The following PTPRD variants were observed in gnomAD, a reference collection of about 807,000 sequenced individuals.
PTPRD encodes the protein protein tyrosine phosphatase receptor type D, also known as receptor-type tyrosine-protein phosphatase delta.
A neutral mutation model predicts 214.5 loss-of-function variants in PTPRD; 34 were observed. The observed-to-expected ratio is 0.16, with a 90% CI of 0.12 to 0.21. The LOEUF is 0.21. Among genes scored for constraint, PTPRD ranks in the 10% least tolerant of loss-of-function variants. The pLI is 1.00. For synonymous variants in PTPRD, 1,128 were observed against 845.7 expected (o/e 1.33, Z -5.79); for missense variants, 2,545 against 2,398.7 (o/e 1.06, Z -1.27).
At chr9:8,661,896 T>C (rs2097062808) in intron 12 of PTPRD, among the ~76,000 whole-genome samples, 1 of 152,218 alleles carries the variant, frequency 6.6e-6, no homozygotes, top group African/African-American at 2.4e-5. Context: ...AATTAAGTAT[T>C]TGGTCTACAA....
At chr9:8,678,301 G>A (rs906354595) in intron 12 of PTPRD, among the ~76,000 whole-genome samples, 1 of 152,090 alleles carries the variant, frequency 6.6e-6, no homozygotes, top group Non-Finnish European at 1.5e-5. Flanking sequence ...TCAAGTTAAT[G>A]TCAACTATTT....
At chr9:8,852,558 G>T (rs1173560162) in intron 11 of PTPRD, among the ~76,000 whole-genome samples, 1 of 152,234 alleles carries the variant, frequency 6.6e-6, no homozygotes, top group Non-Finnish European at 1.5e-5. Context: ...AGCAAGGTTT[G>T]CTCGTCGCAG....
At chr9:10,163,251 CTA>C (rs2099139968) in intron 3 of PTPRD, among the ~76,000 whole-genome samples, 1 of 150,210 alleles carries the variant, frequency 6.7e-6, no homozygotes, top group Admixed American at 6.6e-5. Flanking sequence ...TTACTTTTTG[CTA>C]TCTTTTTCCT....
intron 8 of PTPRD, among the ~76,000 whole-genome samples, chr9:9,426,212 T>C (rs1470442024): frequency 6.6e-6 from 1 of 152,174 alleles, no homozygotes; most frequent in Non-Finnish European, 1.5e-5. Context: ...CCCACCCTAA[T>C]ACTGCACTTT....
chr9:10,346,842 T>C (rs1342652740), intron 2 of PTPRD, among the ~76,000 whole-genome samples: 1 of 152,208 alleles, frequency 6.6e-6, no homozygotes, highest in Non-Finnish European at 1.5e-5. Flanking sequence ...TGATTTGTCA[T>C]AGGCCTTACA....
At chr9:8,676,508 G>A (rs930818363) in intron 12 of PTPRD, among the ~76,000 whole-genome samples, 6 of 150,998 alleles carry the variant, frequency 4.0e-5, no homozygotes, top group Non-Finnish European at 5.9e-5. Flanking sequence ...CCAGCCTCCT[G>A]AGTAGCTGGG....
At chr9:9,643,352 G>C (rs901614616) in intron 7 of PTPRD, among the ~76,000 whole-genome samples, 1 of 152,040 alleles carries the variant, frequency 6.6e-6, no homozygotes, top group Non-Finnish European at 1.5e-5. Context: ...GCTTTTTAAA[G>C]TTACATTAAA....
rs574712037 is a variant in PTPRD, at chr9:8,930,526, G to A, written c.-104+88171C>T. ...GGTATTTCTAGTTCTAGATCCCGGA[G>A]GAATCGCCACACTGTCTTCCACAAT... On this transcript the variant is annotated intron_variant, in intron 11 of 45. Transcript: ENST00000381196. Among the ~76,000 whole-genome samples the A allele has an allele frequency of 5.8e-4, 89 of 152,182 alleles. 3 individuals carry two copies. In the East Asian group the frequency reaches 0.016, roughly 28 times the overall value.
In PTPRD at chr9:10,180,972, C is replaced by T. The variant is rs965551664; in HGVS notation, c.-544-147182G>A. On this transcript the variant is annotated intron_variant, in intron 3 of 45. Transcript: ENST00000381196. ...GTAAATATCATATTCAATGAATAAA[C>T]TTTAGAATTTATTAAGATTAAGAAT... Among the ~76,000 whole-genome samples, 6 of 151,860 alleles carry T rather than the reference C, an allele frequency of 4.0e-5. 1 individual carries two copies. The highest frequency in any genetic ancestry group is 9.7e-5 in the African/African-American group (4 of 41,394).
chr9:9,337,015 T>C (rs1171207599), intron 9 of PTPRD, among the ~76,000 whole-genome samples: 1 of 152,142 alleles, frequency 6.6e-6, no homozygotes, highest in African/African-American at 2.4e-5. Flanking sequence ...AATTTAAAAA[T>C]TTTTAAAAGC....
Position 8,393,842 on chromosome 9 carries a change from C to T in PTPRD, c.4211-4435G>A, listed in dbSNP as rs2090333510. ...TCCATTCCTGGGTTAAAGTGTATTT[C>T]CTCAGTTAATGAACTGTTCTTTCTT... is the stretch of plus-strand genomic sequence containing the variant. On this transcript the variant is annotated intron_variant, in intron 36 of 45. Transcript: ENST00000381196. Among the ~76,000 whole-genome samples the T allele has an allele frequency of 2.0e-5, 3 of 152,118 alleles. 1 individual carries two copies. In the South Asian group the frequency reaches 6.2e-4, roughly 32 times the overall value.
chr9:9,755,349 A>G (rs1464569812), intron 6 of PTPRD, among the ~76,000 whole-genome samples: 6 of 152,154 alleles, frequency 3.9e-5, no homozygotes, highest in East Asian at 1.9e-4. Flanking sequence ...AATTGGGAAA[A>G]AATTGTACTA....
chr9:9,926,666 A>G (rs2084422803), intron 5 of PTPRD, among the ~76,000 whole-genome samples: 1 of 152,200 alleles, frequency 6.6e-6, no homozygotes, highest in Non-Finnish European at 1.5e-5. Flanking sequence ...TGTTGACAAA[A>G]ATGATAGTTG....
chr9:9,072,841 T>C (rs2154411138), intron 10 of PTPRD, among the ~76,000 whole-genome samples: 1 of 152,304 alleles, frequency 6.6e-6, no homozygotes, highest in South Asian at 2.1e-4. Context: ...TTTTTGTCCA[T>C]ATTGATTTCA....
At chr9:8,814,106 T>C (rs1371408231) in intron 11 of PTPRD, among the ~76,000 whole-genome samples, 1 of 152,200 alleles carries the variant, frequency 6.6e-6, no homozygotes, top group Non-Finnish European at 1.5e-5. Flanking sequence ...AATAAAAGTT[T>C]ATTGATTTAG....
chr9:10,291,611 A>G (rs1393441422), intron 3 of PTPRD, among the ~76,000 whole-genome samples: 2 of 151,150 alleles, frequency 1.3e-5, no homozygotes, highest in African/African-American at 4.9e-5. Context: ...AAGAGGCCCT[A>G]AGCCAAGAAA....
chr9:9,342,997 C>G (rs1351363924), intron 9 of PTPRD, among the ~76,000 whole-genome samples: 1 of 152,088 alleles, frequency 6.6e-6, no homozygotes, highest in East Asian at 1.9e-4. Flanking sequence ...GTTTTCTGTT[C>G]CTGTGTTAGT....
intron 11 of PTPRD, among the ~76,000 whole-genome samples, chr9:8,779,402 C>T (rs2095607379): frequency 6.7e-6 from 1 of 149,738 alleles, no homozygotes; most frequent in Admixed American, 6.6e-5. Flanking sequence ...ATGTCATGGG[C>T]TGGGTGGGGC....
chr9:10,190,415 A>C lies in PTPRD; in HGVS notation c.-545+150548T>G, dbSNP rs1356340579. ...AAAAAAAAAAAAAAAAAAAAAAAAA[A>C]AAAAACAAAAAGTCAAAGTGGGCCA... On this transcript the variant is annotated intron_variant, in intron 3 of 45. Transcript: ENST00000381196. Among the ~76,000 whole-genome samples, 27 of 87,400 alleles carry C rather than the reference A, an allele frequency of 3.1e-4. 1 individual carries two copies. The highest frequency in any genetic ancestry group is 1.6e-3 in the African/African-American group (23 of 14,048). 57.3% of individuals were successfully genotyped at this position (87,400 alleles called of 152,430 possible).
Sources: allele counts gnomAD v4.1 joint callset (sites outside exome capture counted in the v4.1 genomes callset), GRCh38; gene constraint gnomAD v4.1.1; transcripts MANE v1.5; gene names NCBI Gene and HGNC (gene_info 2026-07-23, HGNC 2026-07-21).